MYRIP: variants seen among roughly 807,000 people sequenced by gnomAD.
The protein encoded by MYRIP is rab effector MyRIP.
MYRIP carries 49 observed loss-of-function variants against 98.0 expected under a neutral mutation model. The ratio of observed to expected loss-of-function variants is 0.50; its 90% CI spans 0.40 to 0.63. The LOEUF is 0.63. Among genes scored for constraint, MYRIP ranks in the 30% least tolerant of loss-of-function variants. The probability of loss-of-function intolerance (pLI) is 0.00; values close to 1 mark genes in which losing one functional copy is unlikely to be tolerated. For synonymous variants in MYRIP, 404 were observed against 409.5 expected, an observed-to-expected ratio of 0.99 and a Z score of 0.16; for missense variants, 1,004 against 1,058.2, an observed-to-expected ratio of 0.95 and a Z score of 0.71.
chr3:39,977,848 C>T (rs1382753983), intron 2 of MYRIP, among the ~76,000 whole-genome samples: 1 of 152,158 alleles, frequency 6.6e-6, no homozygotes, highest in Non-Finnish European at 1.5e-5. Context: ...ATGGTCAGTG[C>T]TGGTCACCAC....
chr3:39,884,455 G>T (rs541335383), intron 1 of MYRIP, among the ~76,000 whole-genome samples: 2 of 152,150 alleles, frequency 1.3e-5, no homozygotes, highest in Non-Finnish European at 1.5e-5. Context: ...TTTAATGGTT[G>T]GACTTTGAGT....
At chr3:40,087,277 C>T (rs1326883269) in intron 3 of MYRIP, among the ~76,000 whole-genome samples, 1 of 152,130 alleles carries the variant, frequency 6.6e-6, no homozygotes, top group Non-Finnish European at 1.5e-5. Flanking sequence ...ACAGTCCCAG[C>T]CTCACAGTGC....
At chr3:39,940,729 T>C (rs555102180) in intron 2 of MYRIP, among the ~76,000 whole-genome samples, 1 of 152,270 alleles carries the variant, frequency 6.6e-6, no homozygotes, top group African/African-American at 2.4e-5. Context: ...AAGCAAACAA[T>C]AGACTAAAAA....
At chr3:39,865,714 C>A (rs1423676396) in intron 1 of MYRIP, among the ~76,000 whole-genome samples, 1 of 152,176 alleles carries the variant, frequency 6.6e-6, no homozygotes, top group Non-Finnish European at 1.5e-5. Context: ...AACACTTATA[C>A]TCTGATGGTG....
chr3:39,980,828 G>A (rs531651551), intron 2 of MYRIP, among the ~76,000 whole-genome samples: 1 of 152,100 alleles, frequency 6.6e-6, no homozygotes, highest in Non-Finnish European at 1.5e-5. Flanking sequence ...TAAGTGCCTA[G>A]AGTAGTGAAA....
chr3:39,994,753 C>A (rs1467437082), intron 2 of MYRIP, among the ~76,000 whole-genome samples: 10 of 152,230 alleles, frequency 6.6e-5, no homozygotes, highest in Admixed American at 6.5e-4. Context: ...AAGTGGGTCC[C>A]TGACCCCCGA....
chr3:40,160,746 G>T (rs538755714), intron 4 of MYRIP, among the ~76,000 whole-genome samples: 2 of 152,284 alleles, frequency 1.3e-5, no homozygotes, highest in South Asian at 4.1e-4. Context: ...GGGTGGGAGT[G>T]ACCCGATTTT....
At chr3:39,994,348 C>T (rs140586226) in intron 2 of MYRIP, among the ~76,000 whole-genome samples, 6,406 of 152,332 alleles carry the variant, frequency 0.042, 206 homozygotes, top group East Asian at 0.17. Flanking sequence ...CCTAATACTG[C>T]GCTTTTCCTA....
intron 4 of MYRIP, among the ~76,000 whole-genome samples, chr3:40,156,002 T>C (rs1437744153): frequency 6.6e-6 from 1 of 152,180 alleles, no homozygotes; most frequent in African/African-American, 2.4e-5. Context: ...TTTAATTATA[T>C]CCCATTTGTC....
intron 2 of MYRIP, among the ~76,000 whole-genome samples, chr3:39,904,488 G>A (rs1943827664): frequency 1.3e-5 from 2 of 152,084 alleles, no homozygotes; most frequent in African/African-American, 4.8e-5. Flanking sequence ...TGCCCACCTC[G>A]GCCTCCCAAA....
intron 2 of MYRIP, among the ~76,000 whole-genome samples, chr3:40,025,169 CAT>C (rs1273778073): frequency 1.3e-5 from 2 of 152,156 alleles, no homozygotes; most frequent in Non-Finnish European, 2.9e-5. Flanking sequence ...AGACAGCACT[CAT>C]GTGGGATGAG....
intron 2 of MYRIP, among the ~76,000 whole-genome samples, chr3:40,041,002 A>G (rs1248245994): frequency 2.3e-5 from 3 of 128,652 alleles, no homozygotes; most frequent in African/African-American, 8.8e-5. Flanking sequence ...AAGAAAAAAA[A>G]AAAGAAAATA....
intron 13 of MYRIP, among the ~76,000 whole-genome samples, chr3:40,245,859 G>T (rs1299943529): frequency 7.1e-6 from 1 of 141,784 alleles, no homozygotes; most frequent in Non-Finnish European, 1.5e-5. Context: ...GCAATTCCCC[G>T]CCTCAGCCTC....
chr3:40,219,382 C>T (rs564657941), intron 11 of MYRIP, among the ~76,000 whole-genome samples: 80 of 152,220 alleles, frequency 5.3e-4, no homozygotes, highest in East Asian at 2.1e-3. Context: ...ATGTGCACAA[C>T]GTGCAGGTTT....
At chr3:40,198,760 T>C (rs1469457610) in intron 10 of MYRIP, among the ~76,000 whole-genome samples, 1 of 152,230 alleles carries the variant, frequency 6.6e-6, no homozygotes, top group Non-Finnish European at 1.5e-5. Flanking sequence ...CCTAGCATTC[T>C]AGGTTCTAAT....
Position 39,959,583 on chromosome 3 carries a change from T to G in MYRIP, c.110+58657T>G, listed in dbSNP as rs543779670. Reference sequence around the variant, plus strand: ...GATATACCTAATGTAAATGACGAGTTAATGGGTGCAGCACACCAGCATGGC... The same window carrying G: ...GATATACCTAATGTAAATGACGAGTGAATGGGTGCAGCACACCAGCATGGC... On this transcript the variant is annotated intron_variant, in intron 2 of 16. Coordinates refer to ENST00000302541, the MANE Select transcript of MYRIP (RefSeq NM_015460.4). 1.6e-3 allele frequency among the ~76,000 whole-genome samples: 236 copies of G among 151,914 alleles called. 7 individuals are homozygous for G. The South Asian group carries it at 0.047, about 30-fold the overall frequency.
chr3:40,020,448 G>A (rs145272705), intron 2 of MYRIP, among the ~76,000 whole-genome samples: 56 of 152,210 alleles, frequency 3.7e-4, no homozygotes, highest in African/African-American at 1.3e-3. Context: ...TTGGTCCAAC[G>A]CCCTGGCTGT....
At chr3:40,109,153 G>A (rs971782815) in intron 3 of MYRIP, among the ~76,000 whole-genome samples, 5 of 151,894 alleles carry the variant, frequency 3.3e-5, no homozygotes, top group African/African-American at 1.2e-4. Context: ...TAAGTTCTAG[G>A]GTACATGTGC....
intron 7 of MYRIP, 73 bp from the exon 8 acceptor site, chr3:40,169,877 G>A: frequency 6.3e-7 from 1 of 1,583,854 alleles, no homozygotes; most frequent in Non-Finnish European, 8.6e-7. Context: ...TTCCAAAGAT[G>A]GTCCCAGTTA....
Sources: allele counts gnomAD v4.1 joint callset (sites outside exome capture counted in the v4.1 genomes callset), GRCh38; gene constraint gnomAD v4.1.1; transcripts MANE v1.5; gene names NCBI Gene and HGNC (gene_info 2026-07-23, HGNC 2026-07-21).